CPNE4: variants seen among roughly 807,000 people sequenced by gnomAD.
CPNE4 encodes the protein copine 4, also known as copine-4.
Under a neutral mutation model 67.9 loss-of-function variants are expected in CPNE4, and 25 were observed. The observed-to-expected ratio is 0.37, with a 90% CI of 0.27 to 0.51. The LOEUF (loss-of-function observed/expected upper bound fraction) is 0.51. Ranked by LOEUF, CPNE4 falls within the 20% of genes least tolerant of loss-of-function variation. CPNE4 has a pLI of 0.93. For missense variants in CPNE4, 464 were observed against 690.8 expected, an observed-to-expected ratio of 0.67 and a Z score of 3.68; for synonymous variants, 242 against 244.9, an observed-to-expected ratio of 0.99 and a Z score of 0.11.
intron 1 of CPNE4, among the ~76,000 whole-genome samples, chr3:131,976,678 A>T (rs2072663794): frequency 6.6e-6 from 1 of 152,226 alleles, no homozygotes; most frequent in African/African-American, 2.4e-5. Context: ...ACCTGATTGT[A>T]TAACGACTGG....
intron 2 of CPNE4, among the ~76,000 whole-genome samples, chr3:131,831,119 T>TA: frequency 6.6e-6 from 1 of 152,004 alleles, no homozygotes; most frequent in East Asian, 1.9e-4. Context: ...ATAACATTGC[T>TA]AAAAATCCTT....
intron 2 of CPNE4, among the ~76,000 whole-genome samples, chr3:131,796,636 A>G (rs1308310023): frequency 6.6e-6 from 1 of 152,218 alleles, no homozygotes; most frequent in African/African-American, 2.4e-5. Flanking sequence ...CTTCCCCTGG[A>G]GCCTCCATCA....
chr3:131,693,443 C>A (rs145035329), intron 5 of CPNE4, among the ~76,000 whole-genome samples: 379 of 151,982 alleles, frequency 2.5e-3, no homozygotes, highest in African/African-American at 8.4e-3. Flanking sequence ...ATTATATTTT[C>A]CAAACTTAAA....
At chr3:132,002,944 C>T (rs1032035012) in intron 1 of CPNE4, among the ~76,000 whole-genome samples, 2 of 152,094 alleles carry the variant, frequency 1.3e-5, no homozygotes, top group African/African-American at 4.8e-5. Context: ...GCAGCCTCAG[C>T]ATTACCTGGA....
intron 2 of CPNE4, among the ~76,000 whole-genome samples, chr3:131,753,850 CA>C (rs2082688853): frequency 1.3e-5 from 2 of 152,020 alleles, no homozygotes; most frequent in Admixed American, 1.3e-4. Context: ...GACTTTGGGG[CA>C]AACTATTAGC....
chr3:131,554,441 T>G (rs1410647998), intron 12 of CPNE4, among the ~76,000 whole-genome samples: 6 of 152,086 alleles, frequency 3.9e-5, no homozygotes, highest in Non-Finnish European at 8.8e-5. Context: ...TAACTCTTGT[T>G]CTATATTCTT....
chr3:131,972,703 C>G (rs907602128), intron 1 of CPNE4, among the ~76,000 whole-genome samples: 1 of 152,156 alleles, frequency 6.6e-6, no homozygotes, highest in Non-Finnish European at 1.5e-5. Context: ...TTTAAGGTAG[C>G]TCTGAACTGG....
chr3:131,847,989 C>T (rs751907470), intron 2 of CPNE4, among the ~76,000 whole-genome samples: 1 of 152,188 alleles, frequency 6.6e-6, no homozygotes, highest in Non-Finnish European at 1.5e-5. Context: ...AAACACTCTT[C>T]TTCTTCATTC....
At chr3:131,865,472 A>G (rs2086902538) in intron 2 of CPNE4, among the ~76,000 whole-genome samples, 1 of 152,142 alleles carries the variant, frequency 6.6e-6, no homozygotes, top group African/African-American at 2.4e-5. Context: ...CGCATTCTTT[A>G]TAAGGCCTTC....
intron 2 of CPNE4, among the ~76,000 whole-genome samples, chr3:131,854,952 C>T (rs754051984): frequency 2.6e-4 from 39 of 151,886 alleles, no homozygotes; most frequent in Non-Finnish European, 5.4e-4. Flanking sequence ...GCATAATAAA[C>T]AAATGTTTGC....
chr3:131,662,252 T>G (rs2107643852), intron 7 of CPNE4, among the ~76,000 whole-genome samples: 2 of 152,302 alleles, frequency 1.3e-5, no homozygotes, highest in South Asian at 4.1e-4. Flanking sequence ...CAGTAGTGTG[T>G]CAGTCTGGCT....
At chr3:131,556,462 C>T (rs2107652633) in intron 11 of CPNE4, among the ~76,000 whole-genome samples, 1 of 152,136 alleles carries the variant, frequency 6.6e-6, no homozygotes, top group South Asian at 2.1e-4. Context: ...TTGTGCCCAC[C>T]ACCTTATCAC....
chr3:131,805,844 A>C (rs142686209), intron 2 of CPNE4, among the ~76,000 whole-genome samples: 311 of 152,342 alleles, frequency 2.0e-3, no homozygotes, highest in African/African-American at 6.9e-3. Flanking sequence ...AGATATGCCC[A>C]AGTCCAGGAA....
At chr3:131,845,929 T>G (rs2085979987) in intron 2 of CPNE4, among the ~76,000 whole-genome samples, 1 of 152,218 alleles carries the variant, frequency 6.6e-6, no homozygotes, top group Non-Finnish European at 1.5e-5. Flanking sequence ...TTTCCATTTC[T>G]TACTGAAATG....
At position 131,989,503 on chromosome 3, in the gene CPNE4, G is replaced by C. The variant is rs150776928; in HGVS notation, c.-2+45064C>G. On this transcript the variant is annotated intron_variant, in intron 1 of 15. Transcript: ENST00000429747. Reference sequence around the variant, plus strand: ...TGGCCAAAGAATTGCGCAAGTTTGGGAACCTGTAAACCAAGAGTCCTACCC... The same window carrying C: ...TGGCCAAAGAATTGCGCAAGTTTGGCAACCTGTAAACCAAGAGTCCTACCC... 8.4e-3 allele frequency among the ~76,000 whole-genome samples: 765 copies of C among 90,918 alleles called. 172 individuals are homozygous for C. The highest frequency in any genetic ancestry group is 0.013 in the Non-Finnish European group (454 of 34,262). The allele number at this position is 90,918 out of a possible 152,430, so 59.6% of individuals were successfully genotyped here. A position where few individuals can be genotyped will look rare whatever the true frequency, so the allele number is the denominator to read the frequency against.
intron 1 of CPNE4, among the ~76,000 whole-genome samples, chr3:132,027,747 C>T (rs1022620650): frequency 6.6e-6 from 1 of 152,108 alleles, no homozygotes; most frequent in African/African-American, 2.4e-5. Context: ...ATCAACTGCT[C>T]CGAAGATAAC....
At chr3:131,696,659 C>A (rs2081165680) in intron 4 of CPNE4, 43 bp from the exon 5 acceptor site, 1 of 1,566,116 alleles carries the variant, frequency 6.4e-7, no homozygotes, top group Admixed American at 1.7e-5. Context: ...AGGGTGAACT[C>A]CTTAGCTCCA....
chr3:131,696,493 GTGCTAGCTTTGT>G (rs750252406), intron 5 of CPNE4, 37 bp downstream of exon 5: 5 of 1,525,118 alleles, frequency 3.3e-6, no homozygotes, highest in Middle Eastern at 1.7e-4. Flanking sequence ...ATTAAACTGT[GTGCTAGCTTTGT>G]TACTTCCTTC....
chr3:131,820,794 T>A (rs1243369436), intron 2 of CPNE4, among the ~76,000 whole-genome samples: 3 of 152,222 alleles, frequency 2.0e-5, no homozygotes, highest in Non-Finnish European at 4.4e-5. Context: ...ATCTCCACTG[T>A]ACAGTTGAAG....
Sources: gnomAD v4.1 joint callset for allele counts (sites outside exome capture counted in the v4.1 genomes callset) on GRCh38, gnomAD v4.1.1 for gene constraint, MANE v1.5 for transcripts, NCBI Gene and HGNC (gene_info 2026-07-23, HGNC 2026-07-21) for gene names.